PAX5: variants seen among roughly 807,000 people sequenced by gnomAD.
PAX5 encodes paired box 5.
In PAX5, 9 loss-of-function variants were observed where a neutral mutation model predicts 43.7. The observed-to-expected ratio is 0.21, with a 90% confidence interval of 0.12 to 0.36. The LOEUF (loss-of-function observed/expected upper bound fraction) is 0.36. Ranked by LOEUF, PAX5 falls within the 10% of genes least tolerant of loss-of-function variation. The pLI is 1.00. For missense variants in PAX5, 383 were observed against 532.7 expected, an observed-to-expected ratio of 0.72 and a Z score of 2.77; for synonymous variants, 228 against 214.3, an observed-to-expected ratio of 1.06 and a Z score of -0.56.
At chr9:36,862,391 C>T (rs997704832) in intron 8 of PAX5, among the ~76,000 whole-genome samples, 1 of 152,146 alleles carries the variant, frequency 6.6e-6, no homozygotes, top group African/African-American at 2.4e-5. Flanking sequence ...GTCCGGCCTT[C>T]CTATTTCAGA....
At position 36,837,161 on chromosome 9, in the gene PAX5, T is replaced by C. The variant is rs1821700062; in HGVS notation, c.*3399A>G. On this transcript the variant is annotated 3_prime_UTR_variant, in exon 10 of 10. Transcript: ENST00000358127. ...GGAGCACAACTCGGTGGAGAGAGAA[T>C]GGGGCCTGGAGATCTGAGAATTCAC... is the stretch of plus-strand genomic sequence containing the variant. 4.3e-6 allele frequency: 1 copy of C among 232,902 alleles called. No homozygotes were observed. Among genetic ancestry groups the C allele is most frequent in the African/African-American group, 2.2e-5 (1 of 45,310 alleles). The allele number at this position is 232,902 out of a possible 1,614,324, so 14.4% of individuals were successfully genotyped here.
chr9:36,958,326 C>T (rs1391213509), intron 6 of PAX5, among the ~76,000 whole-genome samples: 1 of 151,380 alleles, frequency 6.6e-6, no homozygotes, highest in East Asian at 1.9e-4. Flanking sequence ...CATTGAGGAA[C>T]TGGACTCTCC....
intron 5 of PAX5, among the ~76,000 whole-genome samples, chr9:36,974,903 G>T (rs1345687395): frequency 6.6e-6 from 1 of 152,096 alleles, no homozygotes; most frequent in Admixed American, 6.6e-5. Flanking sequence ...CCAGCAGGCC[G>T]TTTGTCAGCC....
chr9:37,021,317 A>T (rs1465051581), intron 1 of PAX5, among the ~76,000 whole-genome samples: 2 of 152,204 alleles, frequency 1.3e-5, no homozygotes, highest in African/African-American at 4.8e-5. Context: ...GGGCTAAGGA[A>T]TTTTTTAAAA....
chr9:36,888,904 G>A (rs930759334), intron 7 of PAX5, among the ~76,000 whole-genome samples: 9 of 152,194 alleles, frequency 5.9e-5, no homozygotes, highest in African/African-American at 2.2e-4. Context: ...GGTGGAGTTT[G>A]GAGTCACACA....
chr9:36,893,150 C>T lies in PAX5; in HGVS notation c.911-11045G>A, dbSNP rs570493540. On this transcript the variant is annotated intron_variant, in intron 7 of 9. Transcript: ENST00000358127. The stretch of plus-strand genomic sequence containing the variant: ...TGTTTTCTTAAAACTAAACACAGTC[C>T]GTGCCCAAGGGGCTCACTCACACTC... Among the ~76,000 whole-genome samples, 93 of 152,286 alleles carry T rather than the reference C, an allele frequency of 6.1e-4. 1 individual carries two copies. In the South Asian group the frequency reaches 0.019, roughly 31 times the overall value.
At position 37,002,909 on chromosome 9, in the gene PAX5, C is replaced by A. The variant is rs1415150572; in HGVS notation, c.476-133G>T. On this transcript the variant is annotated intron_variant, in intron 4 of 9. Coordinates refer to ENST00000358127, the MANE Select transcript of PAX5 (RefSeq NM_016734.3). The stretch of plus-strand genomic sequence containing the variant: ...GGGCAGGGGGCGCTGAGGACCCTCG[C>A]TCTGCGGAGGCGGCCACACCTGAGC... 14 of 1,147,658 alleles carry A rather than the reference C, an allele frequency of 1.2e-5. No individual in the cohort carries two copies. In the South Asian group the frequency reaches 1.9e-4, roughly 16 times the overall value. The allele number at this position is 1,147,658 out of a possible 1,614,324, so 71.1% of individuals were successfully genotyped here.
chr9:36,881,828 C>G (rs1436024166), intron 8 of PAX5, among the ~76,000 whole-genome samples, 176 bp downstream of exon 8: 1 of 152,124 alleles, frequency 6.6e-6, no homozygotes, highest in Non-Finnish European at 1.5e-5. Flanking sequence ...GGTGCCGCTG[C>G]TGGCTGGTCC....
intron 1 of PAX5, among the ~76,000 whole-genome samples, chr9:37,029,475 C>T (rs1448676668): frequency 6.6e-6 from 1 of 152,234 alleles, no homozygotes; most frequent in Admixed American, 6.5e-5. Context: ...GGTGGAGTGG[C>T]GGCGTTATCT....
At chr9:37,026,844 C>T (rs1244590837) in intron 1 of PAX5, 1 of 431,424 alleles carries the variant, frequency 2.3e-6, no homozygotes, top group Admixed American at 6.4e-5. Context: ...GCTCAAGCAG[C>T]AGCTCCGGGC....
At position 36,835,365 on chromosome 9, in the gene PAX5, C is replaced by T. The variant is rs1821568551; in HGVS notation, c.*5195G>A. 1 of 232,772 alleles carries T rather than the reference C, an allele frequency of 4.3e-6. No homozygotes were observed. The highest frequency in any genetic ancestry group is 6.1e-5 in the East Asian group (1 of 16,522). The allele number at this position is 232,772 out of a possible 1,614,324, so 14.4% of individuals were successfully genotyped here. A position where few individuals can be genotyped will look rare whatever the true frequency, so the allele number is the denominator to read the frequency against. On this transcript the variant is annotated 3_prime_UTR_variant, in exon 10 of 10. Transcript: ENST00000358127. Reference sequence around the variant, plus strand: ...GTGCCTGCCTGCTCCTGGCCGGCAGCTCATTTCAGAGAAGCTGTTGCCTCA... The same window carrying T: ...GTGCCTGCCTGCTCCTGGCCGGCAGTTCATTTCAGAGAAGCTGTTGCCTCA...
rs186062607 is a variant in PAX5, at chr9:36,884,807, C to A, written c.911-2702G>T. 2.7e-3 allele frequency among the ~76,000 whole-genome samples: 418 copies of A among 152,302 alleles called. 1 individual carries two copies. The highest frequency in any genetic ancestry group is 9.4e-3 in the African/African-American group (390 of 41,546). On this transcript the variant is annotated intron_variant, in intron 7 of 9. Transcript: ENST00000358127. ...GAAATAGCCAGGTAATGGACTGTGT[C>A]GACTCCAGCCTTGTGCAGGACTTGA... is the stretch of plus-strand genomic sequence containing the variant.
At chr9:36,875,545 G>GC (rs35444434) in intron 8 of PAX5, among the ~76,000 whole-genome samples, 2,157 of 151,696 alleles carry the variant, frequency 0.014, 53 homozygotes, top group African/African-American at 0.049. Context: ...CAGAATTGTG[G>GC]CCCCCCCCAA....
intron 8 of PAX5, among the ~76,000 whole-genome samples, chr9:36,859,733 G>C (rs904534082): frequency 3.9e-4 from 59 of 152,198 alleles, no homozygotes; most frequent in Non-Finnish European, 7.8e-4. Flanking sequence ...AAGCCTTGCT[G>C]CACATTAAGA....
intron 8 of PAX5, among the ~76,000 whole-genome samples, chr9:36,880,559 A>T (rs1214960950): frequency 1.3e-5 from 2 of 152,094 alleles, no homozygotes; most frequent in Non-Finnish European, 2.9e-5. Flanking sequence ...TTATTACATT[A>T]TTATTTTTAT....
intron 7 of PAX5, among the ~76,000 whole-genome samples, chr9:36,886,845 C>A (rs140345717): frequency 6.6e-6 from 1 of 152,192 alleles, no homozygotes; most frequent in Non-Finnish European, 1.5e-5. Flanking sequence ...CTAACTCATG[C>A]GTGGCCTTCT....
At position 36,978,152 on chromosome 9, in the gene PAX5, C is replaced by G. The variant is rs138616230; in HGVS notation, c.605-11428G>C. Among the ~76,000 whole-genome samples, 31 of 152,340 alleles carry G rather than the reference C, an allele frequency of 2.0e-4. No homozygotes were observed. In the East Asian group the frequency reaches 5.6e-3, roughly 28 times the overall value. ...AATCAAGATGACCTGAAACAAGAGG[C>G]AGAAAGGAAGTAATACCTGGTGCAT... On this transcript the variant is annotated intron_variant, in intron 5 of 9. Coordinates refer to ENST00000358127, the MANE Select transcript of PAX5 (RefSeq NM_016734.3).
At chr9:36,899,552 G>C (rs897639544) in intron 7 of PAX5, among the ~76,000 whole-genome samples, 1 of 151,368 alleles carries the variant, frequency 6.6e-6, no homozygotes, top group Non-Finnish European at 1.5e-5. Context: ...CTTTTTTTTT[G>C]AGCCCAATCG....
intron 7 of PAX5, among the ~76,000 whole-genome samples, chr9:36,892,504 G>A (rs1827490045): frequency 6.6e-6 from 1 of 152,224 alleles, no homozygotes; most frequent in African/African-American, 2.4e-5. Context: ...CCAGTTTGCA[G>A]ATAAGGTACT....
Sources: allele counts gnomAD v4.1 joint callset (sites outside exome capture counted in the v4.1 genomes callset), GRCh38; gene constraint gnomAD v4.1.1; transcripts MANE v1.5; gene names NCBI Gene and HGNC (gene_info 2026-07-23, HGNC 2026-07-21).